The following IMMP2L variants were observed in gnomAD, a reference collection of about 807,000 sequenced individuals.
IMMP2L encodes inner mitochondrial membrane peptidase subunit 2.
Under a neutral mutation model 19.3 loss-of-function variants are expected in IMMP2L, and 18 were observed. The ratio of observed to expected loss-of-function variants is 0.93; its 90% CI spans 0.64 to 1.38. IMMP2L has a LOEUF of 1.38. Ranked by LOEUF, IMMP2L falls within the 40% of genes most tolerant of loss-of-function variation. The pLI, the probability that IMMP2L is intolerant of heterozygous loss-of-function variation, is 0.00. For synonymous variants in IMMP2L, 76 were observed against 73.0 expected, an observed-to-expected ratio of 1.04 and a Z score of -0.21; for missense variants, 233 against 218.2, an observed-to-expected ratio of 1.07 and a Z score of -0.43.
intron 3 of IMMP2L, among the ~76,000 whole-genome samples, chr7:111,311,786 A>G (rs922485477): frequency 6.6e-5 from 10 of 152,072 alleles, no homozygotes; most frequent in Non-Finnish European, 1.5e-4. Context: ...TCAAAAATTA[A>G]AAGTTTGGTG....
At chr7:111,005,438 G>A (rs1222528284) in intron 3 of IMMP2L, among the ~76,000 whole-genome samples, 1 of 152,160 alleles carries the variant, frequency 6.6e-6, no homozygotes, top group Non-Finnish European at 1.5e-5. Context: ...TAATTACACA[G>A]AGAGAACAAA....
intron 3 of IMMP2L, among the ~76,000 whole-genome samples, chr7:111,236,876 T>A (rs1454250340): frequency 6.6e-6 from 1 of 152,192 alleles, no homozygotes; most frequent in Non-Finnish European, 1.5e-5. Flanking sequence ...CTGTCTGATA[T>A]TTAATGTCTG....
intron 3 of IMMP2L, among the ~76,000 whole-genome samples, chr7:111,174,205 T>C (rs1339855545): frequency 6.6e-6 from 1 of 151,732 alleles, no homozygotes; most frequent in East Asian, 1.9e-4. Context: ...ACTTTTACTA[T>C]TTCACAACTG....
intron 3 of IMMP2L, among the ~76,000 whole-genome samples, chr7:111,185,121 T>C (rs926302943): frequency 2.0e-5 from 3 of 152,200 alleles, no homozygotes; most frequent in African/African-American, 7.2e-5. Flanking sequence ...AGGAGAAGCT[T>C]TGATAAATCT....
rs1479692168 is a variant in IMMP2L, at chr7:111,516,938, T to C, written c.135+4375A>G. On this transcript the variant is annotated intron_variant, in intron 2 of 5. Transcript: ENST00000405709. ...GTGTGCCAGCTTGTGCCCAGTATCTTGGAAGTGCAAATTTACCAGGTAACA... is the reference window on the plus strand; with the variant it reads ...GTGTGCCAGCTTGTGCCCAGTATCTCGGAAGTGCAAATTTACCAGGTAACA... Among the ~76,000 whole-genome samples, 4 of 152,136 alleles carry C rather than the reference T, an allele frequency of 2.6e-5. No homozygotes were observed. The East Asian group carries it at 7.7e-4, about 29-fold the overall frequency.
intron 4 of IMMP2L, chr7:110,962,257 A>AT (rs1819027187): frequency 6.6e-6 from 1 of 151,976 alleles, no homozygotes; most frequent in African/African-American, 2.4e-5. Context: ...ACTTTTATTT[A>AT]TGTGGCCACT....
intron 5 of IMMP2L, among the ~76,000 whole-genome samples, chr7:110,738,572 T>C (rs776598219): frequency 2.0e-5 from 3 of 152,228 alleles, no homozygotes; most frequent in Non-Finnish European, 1.5e-5. Context: ...TTCGGGACTA[T>C]GTTAAACGTC....
intron 3 of IMMP2L, among the ~76,000 whole-genome samples, chr7:110,997,347 G>A (rs747861436): frequency 2.0e-5 from 3 of 152,078 alleles, no homozygotes; most frequent in East Asian, 1.9e-4. Context: ...ACATAAAGAT[G>A]CTGTAGACAT....
At chr7:111,254,080 C>A (rs1661899766) in intron 3 of IMMP2L, among the ~76,000 whole-genome samples, 1 of 152,108 alleles carries the variant, frequency 6.6e-6, no homozygotes, top group Admixed American at 6.6e-5. Flanking sequence ...CATCAAGTTA[C>A]CTCTTATTTG....
intron 5 of IMMP2L, among the ~76,000 whole-genome samples, chr7:110,809,207 T>A (rs1801850210): frequency 1.3e-5 from 2 of 152,004 alleles, no homozygotes; most frequent in Non-Finnish European, 2.9e-5. Flanking sequence ...CCTGTTAATA[T>A]TCAGTAGGTA....
At chr7:111,554,787 T>C (rs1219534532) in intron 1 of IMMP2L, among the ~76,000 whole-genome samples, 1 of 152,110 alleles carries the variant, frequency 6.6e-6, no homozygotes, top group African/African-American at 2.4e-5. Context: ...CTAATTTTTG[T>C]ATTTTTAGTA....
At chr7:110,986,822 A>T (rs1227672241) in intron 3 of IMMP2L, among the ~76,000 whole-genome samples, 1 of 107,544 alleles carries the variant, frequency 9.3e-6, no homozygotes, top group Non-Finnish European at 1.9e-5. Flanking sequence ...CTTAGTTAGT[A>T]AAAAAAAAAA....
chr7:111,499,951 G>A (rs1358971123), intron 2 of IMMP2L, among the ~76,000 whole-genome samples: 1 of 152,166 alleles, frequency 6.6e-6, no homozygotes, highest in African/African-American at 2.4e-5. Flanking sequence ...GTGCCAGACA[G>A]CAGGTGCAGG....
chr7:111,027,549 C>T (rs184494887), intron 3 of IMMP2L, among the ~76,000 whole-genome samples: 3 of 151,312 alleles, frequency 2.0e-5, no homozygotes, highest in East Asian at 2.0e-4. Flanking sequence ...GTCACTGGGA[C>T]GGCTAAAGTC....
intron 3 of IMMP2L, among the ~76,000 whole-genome samples, chr7:111,203,167 C>T (rs1810330160): frequency 6.6e-6 from 1 of 152,024 alleles, no homozygotes; most frequent in African/African-American, 2.4e-5. Context: ...GAAACAAATG[C>T]TAACATAAAA....
In IMMP2L at chr7:111,158,423, A is replaced by T. The variant is rs186927769; in HGVS notation, c.240-194858T>A. 1.4e-4 allele frequency among the ~76,000 whole-genome samples: 21 copies of T among 152,228 alleles called. No individual in the cohort carries two copies. In the East Asian group the frequency reaches 2.9e-3, roughly 21 times the overall value. The stretch of plus-strand genomic sequence containing the variant: ...AATATAATCCATTATAGCACTTGCA[A>T]CTAAACACTGTTCACTACATACAGA... On this transcript the variant is annotated intron_variant, in intron 3 of 5. Coordinates refer to ENST00000405709, the MANE Select transcript of IMMP2L (RefSeq NM_032549.4).
At chr7:110,742,788 A>T (rs1278331940) in intron 5 of IMMP2L, among the ~76,000 whole-genome samples, 3 of 133,500 alleles carry the variant, frequency 2.2e-5, no homozygotes, top group South Asian at 2.5e-4. Flanking sequence ...AAAAAAAAAA[A>T]TTTATACTTT....
intron 3 of IMMP2L, among the ~76,000 whole-genome samples, chr7:111,012,166 T>C (rs1825034619): frequency 6.6e-6 from 1 of 152,152 alleles, no homozygotes; most frequent in South Asian, 2.1e-4. Context: ...TAAATTTCTA[T>C]GGCTATTTCA....
intron 3 of IMMP2L, among the ~76,000 whole-genome samples, chr7:111,446,254 G>C (rs1466855350): frequency 6.6e-6 from 1 of 151,908 alleles, no homozygotes; most frequent in Middle Eastern, 3.4e-3. Flanking sequence ...TCTGGGGGCA[G>C]GGCACAGACA....
Sources: gnomAD v4.1 joint callset for allele counts (sites outside exome capture counted in the v4.1 genomes callset) on GRCh38, gnomAD v4.1.1 for gene constraint, MANE v1.5 for transcripts, NCBI Gene and HGNC (gene_info 2026-07-23, HGNC 2026-07-21) for gene names.